GPC6: variants seen among roughly 807,000 people sequenced by gnomAD.
GPC6 encodes glypican 6.
GPC6 carries 14 observed loss-of-function variants against 55.2 expected under a neutral mutation model. The observed-to-expected ratio is 0.25, with a 90% confidence interval of 0.17 to 0.40. GPC6 has a LOEUF of 0.40. GPC6 is among the 10% of genes least tolerant of loss of function. The probability of loss-of-function intolerance (pLI) is 1.00; values close to 1 mark genes in which losing one functional copy is unlikely to be tolerated. For missense variants in GPC6, 641 were observed against 708.5 expected (o/e 0.90, Z 1.08); for synonymous variants, 278 against 259.6 (o/e 1.07, Z -0.68).
chr13:93,484,383 T>TA (rs1485104723), intron 1 of GPC6, among the ~76,000 whole-genome samples: 20 of 152,140 alleles, frequency 1.3e-4, no homozygotes, highest in African/African-American at 4.8e-4. Flanking sequence ...GTCTCACTGG[T>TA]ATTTGTTTGT....
rs145717062 is a variant in GPC6, at chr13:94,039,032, T to G, written c.877+11138T>G. On this transcript the variant is annotated intron_variant, in intron 4 of 8. Transcript: ENST00000377047. ...CCAGCAGAGATGGCCTTACCCCTGC[T>G]CAAATGAATAAGTGCTTGGTGACAC... Among the ~76,000 whole-genome samples, 267 of 152,006 alleles carry G rather than the reference T, an allele frequency of 1.8e-3. 1 individual carries two copies. The highest frequency in any genetic ancestry group is 3.1e-3 in the Admixed American group (48 of 15,244).
chr13:93,474,360 T>C (rs1879229823), intron 1 of GPC6, among the ~76,000 whole-genome samples: 1 of 152,174 alleles, frequency 6.6e-6, no homozygotes, highest in Non-Finnish European at 1.5e-5. Flanking sequence ...GAGCTGTAGA[T>C]GAGCCCAGGT....
At chr13:93,439,087 C>T (rs1253653493) in intron 1 of GPC6, among the ~76,000 whole-genome samples, 1 of 152,140 alleles carries the variant, frequency 6.6e-6, no homozygotes, top group Non-Finnish European at 1.5e-5. Flanking sequence ...GTTTTTTAGA[C>T]ATAACGCTAT....
intron 4 of GPC6, among the ~76,000 whole-genome samples, chr13:94,234,033 C>G (rs1890805110): frequency 6.6e-6 from 1 of 151,978 alleles, no homozygotes. Context: ...GAGAAATAGT[C>G]AGGGCGAGGT....
chr13:93,840,281 G>A lies in GPC6; in HGVS notation c.711+9736G>A, dbSNP rs117719760. Among the ~76,000 whole-genome samples the A allele has an allele frequency of 7.2e-5, 11 of 152,196 alleles. No homozygotes were observed. The East Asian group carries it at 2.1e-3, about 30-fold the overall frequency. On this transcript the variant is annotated intron_variant, in intron 3 of 8. Transcript: ENST00000377047. Reference sequence around the variant, plus strand: ...AGGAGATGTTACAACTGACACCACTGAAACACAAAAGATCATTCGAGGCTA... The same window carrying A: ...AGGAGATGTTACAACTGACACCACTAAAACACAAAAGATCATTCGAGGCTA...
At chr13:94,078,167 A>G (rs979082161) in intron 4 of GPC6, among the ~76,000 whole-genome samples, 1 of 151,940 alleles carries the variant, frequency 6.6e-6, no homozygotes, top group East Asian at 1.9e-4. Flanking sequence ...TGAGCGACCA[A>G]TGGGACCAAG....
chr13:93,837,175 G>A (rs1887768216), intron 3 of GPC6, among the ~76,000 whole-genome samples: 1 of 152,150 alleles, frequency 6.6e-6, no homozygotes, highest in Non-Finnish European at 1.5e-5. Flanking sequence ...TTTGTAGCTT[G>A]TGTATGTTTC....
At chr13:94,330,013 A>G (rs962509752) in intron 6 of GPC6, among the ~76,000 whole-genome samples, 18 of 152,282 alleles carry the variant, frequency 1.2e-4, no homozygotes, top group African/African-American at 3.9e-4. Flanking sequence ...GGCTCCTACC[A>G]TGTTGCTTTC....
At chr13:93,598,003 G>A (rs1454328302) in intron 2 of GPC6, among the ~76,000 whole-genome samples, 1 of 152,082 alleles carries the variant, frequency 6.6e-6, no homozygotes. Flanking sequence ...TATTATCTTG[G>A]TGCGGTGTTG....
intron 1 of GPC6, among the ~76,000 whole-genome samples, chr13:93,368,382 T>TTCCGTCCG: frequency 9.7e-6 from 1 of 102,808 alleles, no homozygotes; most frequent in African/African-American, 3.5e-5. Context: ...CCTTCCTTCC[T>TTCCGTCCG]TCCTTCCGTC....
At chr13:93,766,665 C>T (rs1885138308) in intron 2 of GPC6, among the ~76,000 whole-genome samples, 2 of 152,028 alleles carry the variant, frequency 1.3e-5, no homozygotes, top group Non-Finnish European at 2.9e-5. Flanking sequence ...CAAAGACATA[C>T]TGTAAGTATT....
At chr13:93,245,868 T>C (rs964318222) in intron 1 of GPC6, among the ~76,000 whole-genome samples, 2 of 152,200 alleles carry the variant, frequency 1.3e-5, no homozygotes, top group Non-Finnish European at 2.9e-5. Context: ...GAGCAGTCTA[T>C]CCCATGTCTG....
intron 1 of GPC6, among the ~76,000 whole-genome samples, chr13:93,510,796 C>T (rs892349348): frequency 4.6e-5 from 7 of 150,714 alleles, no homozygotes; most frequent in Non-Finnish European, 8.9e-5. Flanking sequence ...TCTACATCCT[C>T]ACCAACATGT....
intron 4 of GPC6, among the ~76,000 whole-genome samples, chr13:94,265,178 G>T (rs1277089388): frequency 6.6e-6 from 1 of 152,142 alleles, no homozygotes; most frequent in African/African-American, 2.4e-5. Context: ...AATATGAAAA[G>T]GGAGTGTATT....
chr13:93,841,449 C>G (rs1366586682), intron 3 of GPC6, among the ~76,000 whole-genome samples: 1 of 152,142 alleles, frequency 6.6e-6, no homozygotes, highest in African/African-American at 2.4e-5. Context: ...TATACCTCTT[C>G]ATCCTGATGA....
chr13:94,123,690 CAT>C (rs1324586604), intron 4 of GPC6, among the ~76,000 whole-genome samples: 1 of 151,432 alleles, frequency 6.6e-6, no homozygotes, highest in Admixed American at 6.6e-5. Flanking sequence ...TGCATGCACG[CAT>C]ATGTTTGTAT....
At chr13:93,407,691 T>G (rs1876345883) in intron 1 of GPC6, among the ~76,000 whole-genome samples, 1 of 152,182 alleles carries the variant, frequency 6.6e-6, no homozygotes, top group Admixed American at 6.6e-5. Flanking sequence ...GCATTATGGT[T>G]CACAGAGTTA....
intron 4 of GPC6, among the ~76,000 whole-genome samples, chr13:94,194,376 C>T (rs1263122041): frequency 2.0e-5 from 3 of 152,012 alleles, no homozygotes; most frequent in African/African-American, 7.2e-5. Context: ...TCTGGCAACT[C>T]CAATGTATGC....
At chr13:94,144,326 CTT>C (rs1887484755) in intron 4 of GPC6, among the ~76,000 whole-genome samples, 2 of 151,660 alleles carry the variant, frequency 1.3e-5, no homozygotes, top group Non-Finnish European at 2.9e-5. Flanking sequence ...TGTGGATTTA[CTT>C]CCATGAATGG....
Sources: allele counts gnomAD v4.1 joint callset (sites outside exome capture counted in the v4.1 genomes callset), GRCh38; gene constraint gnomAD v4.1.1; transcripts MANE v1.5; gene names NCBI Gene and HGNC (gene_info 2026-07-23, HGNC 2026-07-21).